SLC27A1: variants seen among roughly 807,000 people sequenced by gnomAD.
SLC27A1 encodes solute carrier family 27 member 1.
Under a neutral mutation model 62.2 loss-of-function variants are expected in SLC27A1, and 61 were observed. That is an observed-to-expected ratio of 0.98 (90% CI 0.80 to 1.21). SLC27A1 has a LOEUF of 1.21. SLC27A1 is among the 50% of genes most tolerant of loss of function. SLC27A1 has a pLI of 0.00. For synonymous variants in SLC27A1, 435 were observed against 408.6 expected (o/e 1.06, Z -0.78); for missense variants, 903 against 932.1 (o/e 0.97, Z 0.41).
At chr19:17,480,834 T>TA (rs1351497705) in intron 1 of SLC27A1, among the ~76,000 whole-genome samples, 2 of 152,096 alleles carry the variant, frequency 1.3e-5, no homozygotes, top group Non-Finnish European at 2.9e-5. Context: ...AGCTGCCCCT[T>TA]ATGGAGTTCC....
intron 6 of SLC27A1, among the ~76,000 whole-genome samples, chr19:17,494,634 G>A (rs944699511): frequency 5.3e-5 from 8 of 151,924 alleles, no homozygotes; most frequent in African/African-American, 1.5e-4. Flanking sequence ...GCCACAGGTA[G>A]CCCTTTTTAT....
Position 17,505,159 on chromosome 19 carries a change from G to A in SLC27A1, c.*547G>A. On this transcript the variant is annotated 3_prime_UTR_variant, in exon 12 of 12. Transcript: ENST00000252595. ...TCCGCTGGCCTCGGCCTCCCAGAGTGCTGGGATTATAGGCGTGAGCCTCTG... is the reference window on the plus strand; with the variant it reads ...TCCGCTGGCCTCGGCCTCCCAGAGTACTGGGATTATAGGCGTGAGCCTCTG... 1 of 338,646 alleles carries A rather than the reference G, an allele frequency of 3.0e-6. No homozygotes were observed. Among genetic ancestry groups the A allele is most frequent in the South Asian group, 2.3e-5 (1 of 42,604 alleles). 21.0% of individuals were successfully genotyped at this position (338,646 alleles called of 1,614,324 possible). A position where few individuals can be genotyped will look rare whatever the true frequency, so the allele number is the denominator to read the frequency against.
In SLC27A1 at chr19:17,505,217, C is replaced by T. The variant is rs943938640; in HGVS notation, c.*605C>T. On this transcript the variant is annotated 3_prime_UTR_variant, in exon 12 of 12. Transcript: ENST00000252595. ...CTTTCCTTTTTCCTCTCCTCTCCTG[C>T]CGAGAGTGGAACACGCGTGTCCTGG... The T allele has an allele frequency of 1.0e-5, 3 of 293,700 alleles. No individual in the cohort carries two copies. Among genetic ancestry groups the T allele is most frequent in the East Asian group, 1.9e-4 (2 of 10,748 alleles). 18.2% of individuals were successfully genotyped at this position (293,700 alleles called of 1,614,324 possible).
Position 17,504,730 on chromosome 19 carries a change from C to A in SLC27A1, c.*118C>A. On this transcript the variant is annotated 3_prime_UTR_variant, in exon 12 of 12. Coordinates refer to ENST00000252595, the MANE Select transcript of SLC27A1 (RefSeq NM_198580.3). The stretch of plus-strand genomic sequence containing the variant: ...ACCCACCTGGCCGAGCTGTACCTGG[C>A]ACGGCCCATCCTGGACTGAGAAACT... 1 of 1,340,924 alleles carries A rather than the reference C, an allele frequency of 7.5e-7. No individual in the cohort carries two copies. Among genetic ancestry groups the A allele is most frequent in the Non-Finnish European group, 1.0e-6 (1 of 961,926 alleles). The allele number at this position is 1,340,924 out of a possible 1,614,324, so 83.1% of individuals were successfully genotyped here. A position where few individuals can be genotyped will look rare whatever the true frequency, so the allele number is the denominator to read the frequency against.
At position 17,497,399 on chromosome 19, in the gene SLC27A1, C is replaced by G; in HGVS notation, c.1141C>G (p.Arg381Gly). ...GGAGTTCACGGAGCGCTTCGGCGTA[C>G]GCCAAATCGGGGAGTTCTACGGCGC... ...WEEFTERFGV[R>G]QIGEFYGATE... The change falls in exon 7 of 12, where the codon CGC becomes GGC. Residue 381 changes from arginine (R) to glycine (G), a missense_variant. Physicochemically the swap from Arg to Gly is moderately radical, Grantham distance 125 (BLOSUM62 -2). Coordinates refer to ENST00000252595, the MANE Select transcript of SLC27A1 (RefSeq NM_198580.3). The G allele has an allele frequency of 6.2e-7, 1 of 1,605,318 alleles. No homozygotes were observed. The highest frequency in any genetic ancestry group is 8.5e-7 in the Non-Finnish European group (1 of 1,177,470).
chr19:17,486,417 TGA>T lies in SLC27A1; in HGVS notation c.168-141_168-140del. The stretch of plus-strand genomic sequence containing the variant: ...TAAATGGCCCTTGCCCTTGGTCCAC[TGA>T]GAGATCCAGCCACCAAAAGTTTCAC... On this transcript the variant is annotated intron_variant, in intron 1 of 11. Coordinates refer to ENST00000252595, the MANE Select transcript of SLC27A1 (RefSeq NM_198580.3). This position sits in a 1 kb window ranked among gnomAD's most constrained non-coding sequence, Gnocchi z 6.6. 1 of 978,088 alleles carries T rather than the reference TGA, an allele frequency of 1.0e-6. No individual in the cohort carries two copies. Among genetic ancestry groups the T allele is most frequent in the Non-Finnish European group, 1.5e-6 (1 of 684,508 alleles). The allele number at this position is 978,088 out of a possible 1,614,324, so 60.6% of individuals were successfully genotyped here.
At chr19:17,472,603 T>G (rs2075087751) in intron 1 of SLC27A1, among the ~76,000 whole-genome samples, 1 of 152,064 alleles carries the variant, frequency 6.6e-6, no homozygotes, top group East Asian at 2.0e-4. Flanking sequence ...CTTGGCTCAC[T>G]GCAACCTCTG....
chr19:17,488,969 TG>T, intron 5 of SLC27A1, 30 bp downstream of exon 5: 2 of 1,613,758 alleles, frequency 1.2e-6, no homozygotes, highest in Non-Finnish European at 1.7e-6. Flanking sequence ...GAATGGTGGG[TG>T]GGGGCGGGGG....
intron 1 of SLC27A1, among the ~76,000 whole-genome samples, chr19:17,475,184 G>C (rs906384733): frequency 6.6e-6 from 1 of 152,144 alleles, no homozygotes; most frequent in African/African-American, 2.4e-5. Context: ...CAGAATGCTG[G>C]TATTACAGGC....
At chr19:17,468,852 GA>G, upstream of SLC27A1, 1 of 153,884 alleles carries the variant, frequency 6.5e-6, no homozygotes, top group Non-Finnish European at 1.4e-5. Context: ...AGCTGGAAGG[GA>G]AGGACCCCAA....
chr19:17,504,705 A>G lies in SLC27A1; in HGVS notation c.*93A>G, dbSNP rs1599680864. On this transcript the variant is annotated 3_prime_UTR_variant, in exon 12 of 12. Transcript: ENST00000252595. ...GCCCAGGGGTGGCCGCCTAGTACAC[A>G]CCCACCTGGCCGAGCTGTACCTGGC... 12 of 1,526,410 alleles carry G rather than the reference A, an allele frequency of 7.9e-6. No homozygotes were observed. Among genetic ancestry groups the G allele is most frequent in the African/African-American group, 1.4e-5 (1 of 72,722 alleles). The allele number at this position is 1,526,410 out of a possible 1,614,324, so 94.6% of individuals were successfully genotyped here. A position where few individuals can be genotyped will look rare whatever the true frequency, so the allele number is the denominator to read the frequency against.
Position 17,488,982 on chromosome 19 carries a change from C to A in SLC27A1, c.887-26C>A. On this transcript the variant is annotated intron_variant, in intron 5 of 11. Coordinates refer to ENST00000252595, the MANE Select transcript of SLC27A1 (RefSeq NM_198580.3). ...GGGAATGGTGGGTGGGGGCGGGGGACCCCTTACCAAGGCCACCCTCTGCAG... is the reference window on the plus strand; with the variant it reads ...GGGAATGGTGGGTGGGGGCGGGGGAACCCTTACCAAGGCCACCCTCTGCAG... The A allele has an allele frequency of 5.0e-6, 8 of 1,613,834 alleles. No homozygotes were observed. In the Admixed American group the frequency reaches 1.3e-4, roughly 27 times the overall value.
In SLC27A1 at chr19:17,470,624, G is replaced by C. The variant is rs755169869; in HGVS notation, c.84G>C (p.Ala28=). The C allele has an allele frequency of 4.4e-6, 7 of 1,573,196 alleles. No homozygotes were observed. The highest frequency in any genetic ancestry group is 3.4e-6 in the Non-Finnish European group (4 of 1,167,214). ...TGGGGCTGCCGTGGACCTGGAGCGC[G>C]GCAGCGGCGCTCGGCGTGTACGTGG... ...WLLGLPWTWS[A]AAALGVYVGS... Residue 28 remains alanine (A), a synonymous_variant, in exon 1 of 12, where the codon GCG becomes GCC. Coordinates refer to ENST00000252595, the MANE Select transcript of SLC27A1 (RefSeq NM_198580.3).
Position 17,486,778 on chromosome 19 carries a change from G to T in SLC27A1, c.383G>T (p.Gly128Val). 6.2e-7 allele frequency: 1 copy of T among 1,604,190 alleles called. No homozygotes were observed. Among genetic ancestry groups the T allele is most frequent in the South Asian group, 1.1e-5 (1 of 90,412 alleles). ...NLFRQLGFAP[G>V]DVVAIFLEGR... ...TTCCGCCAGCTGGGCTTCGCGCCGGGCGACGTGGTGGCCATCTTCCTGGAG... is the reference window on the plus strand; with the variant it reads ...TTCCGCCAGCTGGGCTTCGCGCCGGTCGACGTGGTGGCCATCTTCCTGGAG... The change falls in exon 2 of 12, where the codon GGC becomes GTC. Residue 128 changes from glycine to valine, a missense_variant. Gly to Val is a moderately radical substitution (Grantham distance 109, BLOSUM62 -3). Coordinates refer to ENST00000252595, the MANE Select transcript of SLC27A1 (RefSeq NM_198580.3). This position sits in a 1 kb window ranked among gnomAD's most constrained non-coding sequence, Gnocchi z 6.6.
At position 17,486,648 on chromosome 19, in the gene SLC27A1, G is replaced by T. The variant is rs770365107; in HGVS notation, c.253G>T (p.Val85Leu). Residue 85 changes from valine to leucine, a missense_variant, in exon 2 of 12, where the codon GTA (valine) becomes TTA (leucine). Coordinates refer to ENST00000252595, the MANE Select transcript of SLC27A1 (RefSeq NM_198580.3). This position sits in a 1 kb window ranked among gnomAD's most constrained non-coding sequence, Gnocchi z 6.6. Reference protein sequence around the residue: ...GHTIPRIFQAVVQRQPERLAL... With the variant: ...GHTIPRIFQALVQRQPERLAL... Reference sequence around the variant, plus strand: ...CACCATCCCGCGCATCTTTCAGGCGGTAGTGCAGCGACAGCCCGAGCGCCT... The same window carrying T: ...CACCATCCCGCGCATCTTTCAGGCGTTAGTGCAGCGACAGCCCGAGCGCCT... 1.9e-6 allele frequency: 3 copies of T among 1,606,148 alleles called. No homozygotes were observed. Among genetic ancestry groups the T allele is most frequent in the South Asian group, 2.2e-5 (2 of 90,762 alleles).
At chr19:17,499,651 C>CAA (rs60881769) in intron 7 of SLC27A1, among the ~76,000 whole-genome samples, 309 of 142,568 alleles carry the variant, frequency 2.2e-3, no homozygotes, top group South Asian at 8.5e-3. Context: ...ACTAAAAATA[C>CAA]AAAAAAAAAA....
chr19:17,470,523 T>G (rs779950642), upstream of SLC27A1: 1,392 of 1,532,782 alleles, frequency 9.1e-4, 1 homozygote, highest in Non-Finnish European at 1.1e-3. Context: ...CGGCCTCAGC[T>G]CTCTCTGCTT....
intron 10 of SLC27A1, 32 bp downstream of exon 10, chr19:17,500,908 G>A: frequency 6.3e-7 from 1 of 1,578,432 alleles, no homozygotes; most frequent in Admixed American, 1.9e-5. Flanking sequence ...TGGTCCTGAG[G>A]CATGGTCCTG....
At chr19:17,483,188 C>A (rs2075197667) in intron 1 of SLC27A1, among the ~76,000 whole-genome samples, 1 of 151,966 alleles carries the variant, frequency 6.6e-6, no homozygotes, top group African/African-American at 2.4e-5. Context: ...AGACCCATGA[C>A]CTGGTGGCTC....
Sources: allele counts gnomAD v4.1 joint callset (sites outside exome capture counted in the v4.1 genomes callset), GRCh38; gene constraint gnomAD v4.1.1; non-coding constraint Gnocchi (gnomAD v3.1); transcripts MANE v1.5; gene names NCBI Gene and HGNC (gene_info 2026-07-23, HGNC 2026-07-21).